Variants in CLIP1 observed in about 807,000 individuals in gnomAD.
CLIP1 encodes CAP-Gly domain containing linker protein 1.
Under a neutral mutation model 161.6 loss-of-function variants are expected in CLIP1, and 66 were observed. The observed-to-expected ratio is 0.41, with a 90% CI of 0.33 to 0.50. CLIP1 has a LOEUF of 0.50. Among genes scored for constraint, CLIP1 ranks in the 20% least tolerant of loss-of-function variants. The probability of loss-of-function intolerance (pLI) is 0.27; values close to 1 mark genes in which losing one functional copy is unlikely to be tolerated. For synonymous variants in CLIP1, 598 were observed against 626.2 expected (o/e 0.96, Z 0.67); for missense variants, 1,376 against 1,702.0 (o/e 0.81, Z 3.37).
At chr12:122,361,615 C>T (rs1478747707) in intron 4 of CLIP1, among the ~76,000 whole-genome samples, 1 of 152,140 alleles carries the variant, frequency 6.6e-6, no homozygotes, top group African/African-American at 2.4e-5. Flanking sequence ...GCCTGTAATC[C>T]CAGCACTGTG....
intron 19 of CLIP1, among the ~76,000 whole-genome samples, chr12:122,316,271 C>G (rs1407151691): frequency 6.6e-6 from 1 of 151,610 alleles, no homozygotes; most frequent in Non-Finnish European, 1.5e-5. Context: ...AGTGCAGTGG[C>G]ACGATTATGG....
rs1345157293 is a variant in CLIP1, at chr12:122,355,443, T to C, written c.1006-131A>G. On this transcript the variant is annotated intron_variant, in intron 5 of 25. Coordinates refer to ENST00000620786, the MANE Select transcript of CLIP1 (RefSeq NM_001247997.2). The surrounding 1 kb of genome is among the most constrained non-coding windows in gnomAD (Gnocchi z 4.1). ...CTCCAGCTGGCAGGCTGGCCAGGAT[T>C]AGGAAAGGCTTCCTCAAAAACACAA... 1 of 704,230 alleles carries C rather than the reference T, an allele frequency of 1.4e-6. No individual in the cohort carries two copies. Among genetic ancestry groups the C allele is most frequent in the African/African-American group, 1.8e-5 (1 of 55,698 alleles). 43.6% of individuals were successfully genotyped at this position (704,230 alleles called of 1,614,324 possible).
rs1232926636 is a variant in CLIP1, at chr12:122,334,643, C to G, written c.2626+5G>C. On this transcript the variant is annotated splice_donor_5th_base_variant and intron_variant, in intron 13 of 25. Transcript: ENST00000620786. ...GCAATCTGCACACGCTCTGGTAAGA[C>G]ATACCTTGCATACTTCTCTGAACAG... 2.5e-6 allele frequency: 4 copies of G among 1,575,072 alleles called. No individual in the cohort carries two copies. Among genetic ancestry groups the G allele is most frequent in the Non-Finnish European group, 2.6e-6 (3 of 1,155,042 alleles).
chr12:122,387,564 ATATATATATATATATATATATATATATTT>A (rs1566209085), intron 1 of CLIP1, among the ~76,000 whole-genome samples: 15 of 8,684 alleles, frequency 1.7e-3, no homozygotes, highest in Non-Finnish European at 6.8e-3. Context: ...ATATATATAT[ATATATATATATATATATATATATATATTT>A]TTTTTTTTTT....
chr12:122,316,942 G>A, intron 18 of CLIP1, 87 bp from the exon 19 acceptor site: 4 of 785,694 alleles, frequency 5.1e-6, no homozygotes, highest in Admixed American at 3.3e-5. Context: ...AATGTGTACT[G>A]AAAAGACAGA....
At chr12:122,326,465 C>T (rs1169668605) in intron 17 of CLIP1, among the ~76,000 whole-genome samples, 1 of 152,214 alleles carries the variant, frequency 6.6e-6, no homozygotes, top group Non-Finnish European at 1.5e-5. Flanking sequence ...GGATCGCTTG[C>T]ATCCAGGGGT....
chr12:122,337,332 C>T (rs935442398), intron 11 of CLIP1, among the ~76,000 whole-genome samples: 1 of 151,180 alleles, frequency 6.6e-6, no homozygotes, highest in Non-Finnish European at 1.5e-5. Context: ...CCTGTAATCC[C>T]GCTACTTGGG....
chr12:122,277,578 G>C (rs1955481499), intron 24 of CLIP1: 1 of 152,134 alleles, frequency 6.6e-6, no homozygotes, highest in South Asian at 2.1e-4. Context: ...GTTCAGATGA[G>C]TAACAAACCC....
At chr12:122,422,221 A>T (rs868530793) in intron 1 of CLIP1, among the ~76,000 whole-genome samples, 19 of 152,004 alleles carry the variant, frequency 1.2e-4, no homozygotes, top group African/African-American at 4.6e-4. Flanking sequence ...CGCAGGGGCA[A>T]GGAGTCCAAG....
At position 122,316,833 on chromosome 12, in the gene CLIP1, T is replaced by C. The variant is rs763537221; in HGVS notation, c.3389A>G (p.Asn1130Ser). 6 of 1,587,108 alleles carry C rather than the reference T, an allele frequency of 3.8e-6. No individual in the cohort carries two copies. In the South Asian group the frequency reaches 7.2e-5, roughly 19 times the overall value. Residue 1130 changes from asparagine to serine, a missense_variant, in exon 19 of 26, where the codon AAC becomes AGC. By Grantham distance (46) the Asn-to-Ser change is conservative. Coordinates refer to ENST00000620786, the MANE Select transcript of CLIP1 (RefSeq NM_001247997.2). ...QNELDTLKEN[N>S]LKNVEELNKS... is the part of the protein sequence containing the mutation. ...GTTCAGCTCTTCCACATTTTTCAAGTTGTTTTCTTTAAGTGTGTCCAACTT... is the reference window on the plus strand; with the variant it reads ...GTTCAGCTCTTCCACATTTTTCAAGCTGTTTTCTTTAAGTGTGTCCAACTT...
In CLIP1 at chr12:122,379,113, G is replaced by A. The variant is rs188911247; in HGVS notation, c.86-1153C>T. ...GCACTCTTGCCTGGGCAACAAGAGT[G>A]AAACTCCGTCTCAAAAAACAAAACA... On this transcript the variant is annotated intron_variant, in intron 2 of 25. Coordinates refer to ENST00000620786, the MANE Select transcript of CLIP1 (RefSeq NM_001247997.2). Among the ~76,000 whole-genome samples, 39 of 149,804 alleles carry A rather than the reference G, an allele frequency of 2.6e-4. No individual in the cohort carries two copies. The East Asian group carries it at 7.3e-3, about 28-fold the overall frequency.
intron 3 of CLIP1, among the ~76,000 whole-genome samples, chr12:122,366,306 C>CA (rs11458072): frequency 0.63 from 87,392 of 139,154 alleles, 27,257 homozygotes; most frequent in Non-Finnish European, 0.65. Context: ...GACTCTGTCT[C>CA]AAAAAAAAAA....
rs1416754903 is a variant in CLIP1, at chr12:122,311,591, A to G, written c.3474-1709T>C. On this transcript the variant is annotated intron_variant, in intron 19 of 25. Transcript: ENST00000620786. This position sits in a 1 kb window ranked among gnomAD's most constrained non-coding sequence, Gnocchi z 4.3. ...AGGTGTCCGCCACCGCGCCCAGCCA[A>G]TTTTTGTATTTTTAGTAGAGACGGG... Among the ~76,000 whole-genome samples, 2 of 151,864 alleles carry G rather than the reference A, an allele frequency of 1.3e-5. No homozygotes were observed. Among genetic ancestry groups the G allele is most frequent in the African/African-American group, 2.4e-5 (1 of 41,328 alleles).
chr12:122,360,933 G>A (rs1322825082), intron 5 of CLIP1, 26 bp downstream of exon 5: 1 of 1,579,314 alleles, frequency 6.3e-7, no homozygotes, highest in East Asian at 2.3e-5. Context: ...GGGAAGTGGA[G>A]GCAGGTAGTG....
chr12:122,286,244 C>T lies in CLIP1; in HGVS notation c.3647+2245G>A, dbSNP rs1038710464. Among the ~76,000 whole-genome samples the T allele has an allele frequency of 2.6e-5, 4 of 151,946 alleles. No individual in the cohort carries two copies. In the South Asian group the frequency reaches 6.2e-4, roughly 24 times the overall value. On this transcript the variant is annotated intron_variant, in intron 21 of 25. Transcript: ENST00000620786. ...ATTTTAAAAGAGCAGACAGGCCAGGCGCAGTGGCTCACGACTGTAATCCCA... is the reference window on the plus strand; with the variant it reads ...ATTTTAAAAGAGCAGACAGGCCAGGTGCAGTGGCTCACGACTGTAATCCCA...
At chr12:122,362,188 G>A (rs7964209) in intron 4 of CLIP1, among the ~76,000 whole-genome samples, 1 of 150,836 alleles carries the variant, frequency 6.6e-6, no homozygotes, top group African/African-American at 2.4e-5. Context: ...TCCTGATCTC[G>A]TGATCTGCCC....
intron 24 of CLIP1, chr12:122,276,576 T>C (rs1265638406): frequency 2.0e-6 from 2 of 997,600 alleles, no homozygotes; most frequent in Admixed American, 2.9e-5. Context: ...CATGGTAAGT[T>C]TGTACAGTGT....
chr12:122,399,327 T>C (rs1956060580), intron 1 of CLIP1: 1 of 152,188 alleles, frequency 6.6e-6, no homozygotes, highest in African/African-American at 2.4e-5. Context: ...CAAATCCAAA[T>C]CCTGTAAGCA....
intron 10 of CLIP1, among the ~76,000 whole-genome samples, chr12:122,344,963 T>C (rs1952676639): frequency 6.7e-6 from 1 of 149,008 alleles, no homozygotes; most frequent in Admixed American, 6.8e-5. Flanking sequence ...GGATAAACCA[T>C]GGTGTAACTG....
Sources: gnomAD v4.1 joint callset for allele counts (sites outside exome capture counted in the v4.1 genomes callset) on GRCh38, gnomAD v4.1.1 for gene constraint, Gnocchi (gnomAD v3.1) non-coding constraint, MANE v1.5 for transcripts, NCBI Gene and HGNC (gene_info 2026-07-23, HGNC 2026-07-21) for gene names.